The following GEMIN2 variants were observed in gnomAD, a reference collection of about 807,000 sequenced individuals.
GEMIN2 encodes the protein gem-associated protein 2.
In GEMIN2, 37 loss-of-function variants were observed where a neutral mutation model predicts 45.8. That is an observed-to-expected ratio of 0.81 (90% confidence interval 0.62 to 1.06). GEMIN2 has a LOEUF of 1.06. Among genes scored for constraint, GEMIN2 ranks in the 50% least tolerant of loss-of-function variants. GEMIN2 has a pLI of 0.00. For missense variants in GEMIN2, 335 were observed against 321.8 expected (o/e 1.04, Z -0.31); for synonymous variants, 101 against 111.5 (o/e 0.91, Z 0.60).
chr14:39,124,549 T>G (rs2052615997), intron 5 of GEMIN2, among the ~76,000 whole-genome samples: 1 of 152,242 alleles, frequency 6.6e-6, no homozygotes, highest in African/African-American at 2.4e-5. Context: ...GGCAGGTAGA[T>G]CACTTGAGCT....
intron 4 of GEMIN2, among the ~76,000 whole-genome samples, chr14:39,121,428 A>T (rs1278960584): frequency 2.6e-5 from 4 of 152,168 alleles, no homozygotes; most frequent in African/African-American, 9.7e-5. Flanking sequence ...CAGCTACTCA[A>T]GAGGCTGAGG....
chr14:39,129,898 A>T (rs1399578466), intron 7 of GEMIN2, among the ~76,000 whole-genome samples: 3 of 150,570 alleles, frequency 2.0e-5, no homozygotes, highest in Admixed American at 6.6e-5. Flanking sequence ...ATCCTGGTAC[A>T]AGGTACAAAC....
intron 9 of GEMIN2, among the ~76,000 whole-genome samples, chr14:39,135,378 G>A (rs893940321): frequency 7.9e-5 from 12 of 152,200 alleles, no homozygotes; most frequent in African/African-American, 2.9e-4. Context: ...CTTAAGTCAG[G>A]AGTTCAAGAC....
At chr14:39,130,278 C>T (rs987057478) in intron 7 of GEMIN2, among the ~76,000 whole-genome samples, 1 of 151,706 alleles carries the variant, frequency 6.6e-6, no homozygotes, top group African/African-American at 2.4e-5. Flanking sequence ...TTGAGTTTGC[C>T]TGAGGAACCC....
At chr14:39,127,684 A>G (rs2052661732) in intron 6 of GEMIN2, among the ~76,000 whole-genome samples, 1 of 152,170 alleles carries the variant, frequency 6.6e-6, no homozygotes, top group Non-Finnish European at 1.5e-5. Flanking sequence ...TCAAGTAGTT[A>G]CAAACTAAAT....
At chr14:39,132,179 T>A (rs2052725818) in intron 8 of GEMIN2, 111 bp downstream of exon 8, 1 of 673,176 alleles carries the variant, frequency 1.5e-6, no homozygotes, top group Non-Finnish European at 2.7e-6. Flanking sequence ...TGGTGGCAAT[T>A]AGATTTGTAA....
At chr14:39,125,751 G>A (rs1274428918) in intron 6 of GEMIN2, among the ~76,000 whole-genome samples, 3 of 152,130 alleles carry the variant, frequency 2.0e-5, no homozygotes, top group Admixed American at 1.3e-4. Flanking sequence ...GCCGGGCGCG[G>A]TGGCTTATGC....
rs957281730 is a variant in GEMIN2, at chr14:39,129,949, T to G, written c.600+1601T>G. Among the ~76,000 whole-genome samples the G allele has an allele frequency of 2.8e-4, 38 of 137,566 alleles. No individual in the cohort carries two copies. The East Asian group carries it at 7.4e-3, about 27-fold the overall frequency. 90.2% of individuals were successfully genotyped at this position (137,566 alleles called of 152,430 possible). ...AGACAAGTTTGTTTTTTTTTTTTTTTTTTTTTTTTGAGATGGAGTCTCACT... is the reference window on the plus strand; with the variant it reads ...AGACAAGTTTGTTTTTTTTTTTTTTGTTTTTTTTTGAGATGGAGTCTCACT... On this transcript the variant is annotated intron_variant, in intron 7 of 9. Coordinates refer to ENST00000308317, the MANE Select transcript of GEMIN2 (RefSeq NM_003616.3).
chr14:39,131,234 T>C (rs1360603055), intron 7 of GEMIN2, among the ~76,000 whole-genome samples: 1 of 152,002 alleles, frequency 6.6e-6, no homozygotes, highest in Non-Finnish European at 1.5e-5. Context: ...GAGGCAGAGG[T>C]TGCAGTGAGC....
chr14:39,115,719 T>A (rs911286050), intron 2 of GEMIN2, among the ~76,000 whole-genome samples: 1 of 152,032 alleles, frequency 6.6e-6, no homozygotes, highest in Non-Finnish European at 1.5e-5. Flanking sequence ...CCTCCCAAAC[T>A]GCTGGGATTA....
At chr14:39,130,072 C>T (rs760179015) in intron 7 of GEMIN2, among the ~76,000 whole-genome samples, 1 of 150,552 alleles carries the variant, frequency 6.6e-6, no homozygotes, top group East Asian at 2.0e-4. Context: ...TCCTGAGTAG[C>T]TGGGACAAGT....
intron 5 of GEMIN2, among the ~76,000 whole-genome samples, chr14:39,123,708 A>ATATATATATATATATTTTT (rs1555333787): frequency 5.3e-5 from 2 of 37,688 alleles, no homozygotes; most frequent in African/African-American, 2.6e-4. Flanking sequence ...ATATATATAT[A>ATATATATATATATATTTTT]TTTTTTTTTT....
intron 4 of GEMIN2, among the ~76,000 whole-genome samples, chr14:39,120,975 G>A (rs1020652500): frequency 2.6e-5 from 4 of 152,168 alleles, no homozygotes; most frequent in Non-Finnish European, 4.4e-5. Context: ...TGTTAAGGAG[G>A]TTATATTGAG....
intron 2 of GEMIN2, among the ~76,000 whole-genome samples, chr14:39,115,994 T>C (rs1055836575): frequency 6.6e-6 from 1 of 151,740 alleles, no homozygotes; most frequent in Non-Finnish European, 1.5e-5. Flanking sequence ...TGTATAATAA[T>C]CAATAAATGA....
At chr14:39,128,677 T>G (rs1461423679) in intron 7 of GEMIN2, among the ~76,000 whole-genome samples, 1 of 151,100 alleles carries the variant, frequency 6.6e-6, no homozygotes, top group Non-Finnish European at 1.5e-5. Flanking sequence ...TTGTTTTTTG[T>G]TTTTTTTATT....
Position 39,136,499 on chromosome 14 carries a change from A to C in GEMIN2, c.*20A>C, listed in dbSNP as rs1458776944. 6.3e-7 allele frequency: 1 copy of C among 1,592,308 alleles called. No individual in the cohort carries two copies. The highest frequency in any genetic ancestry group is 1.3e-5 in the African/African-American group (1 of 74,420). On this transcript the variant is annotated 3_prime_UTR_variant, in exon 10 of 10. Transcript: ENST00000308317. ...TCTTGATGTAGCTGATCTCTCAGGG[A>C]TAGAAGATATTTCTCATGAAGGCAG...
At chr14:39,132,358 C>T (rs2052728089) in intron 8 of GEMIN2, among the ~76,000 whole-genome samples, 1 of 151,988 alleles carries the variant, frequency 6.6e-6, no homozygotes, top group African/African-American at 2.4e-5. Flanking sequence ...TGGTGAAACC[C>T]CGTCTCTACT....
intron 6 of GEMIN2, among the ~76,000 whole-genome samples, chr14:39,127,830 G>T (rs2052663324): frequency 6.6e-6 from 1 of 152,070 alleles, no homozygotes; most frequent in African/African-American, 2.4e-5. Flanking sequence ...AGCACTTTGG[G>T]AGGCCGAGGA....
At position 39,118,008 on chromosome 14, in the gene GEMIN2, T is replaced by G; in HGVS notation, c.232T>G (p.Cys78Gly). The G allele has an allele frequency of 3.8e-6, 6 of 1,595,066 alleles. No individual in the cohort carries two copies. The highest frequency in any genetic ancestry group is 5.1e-6 in the Non-Finnish European group (6 of 1,165,444). The change falls in exon 3 of 10, where the codon TGC becomes GGC. Residue 78 changes from cysteine (C) to glycine (G), a missense_variant. Transcript: ENST00000308317. ...KQSVNISLSG[C>G]QPAPEGYSPT... ...TGAACTTGATCTCTAGCTTTCAGGA[T>G]GCCAACCCGCCCCTGAAGGTTATTC...
Sources: allele counts gnomAD v4.1 joint callset (sites outside exome capture counted in the v4.1 genomes callset), GRCh38; gene constraint gnomAD v4.1.1; transcripts MANE v1.5; gene names NCBI Gene and HGNC (gene_info 2026-07-23, HGNC 2026-07-21).